Variants in NCOR2 observed in about 807,000 individuals in gnomAD.
NCOR2 encodes the protein CTG repeat protein 26.
A neutral mutation model predicts 262.9 loss-of-function variants in NCOR2; 81 were observed. That is an observed-to-expected ratio of 0.31 (90% CI 0.26 to 0.37). The LOEUF is 0.37. Ranked by LOEUF, NCOR2 falls within the 10% of genes least tolerant of loss-of-function variation. The pLI is 1.00. For missense variants in NCOR2, 3,385 were observed against 3,621.4 expected (o/e 0.93, Z 1.68); for synonymous variants, 1,659 against 1,559.3 (o/e 1.06, Z -1.51).
intron 27 of NCOR2, among the ~76,000 whole-genome samples, chr12:124,351,920 C>A (rs150771424): frequency 6.6e-6 from 1 of 152,230 alleles, no homozygotes; most frequent in African/African-American, 2.4e-5. Context: ...GAGTCTCTGG[C>A]TGGACTTGCT....
intron 4 of NCOR2, among the ~76,000 whole-genome samples, chr12:124,471,190 C>G (rs2046812739): frequency 6.6e-6 from 1 of 152,238 alleles, no homozygotes; most frequent in Non-Finnish European, 1.5e-5. Context: ...CACTTGAAAT[C>G]AATGCTCTCC....
exon 47 of NCOR2, chr12:124,325,376 C>CGGGGGGGGGGG: frequency 2.3e-6 from 1 of 426,506 alleles, no homozygotes; most frequent in Non-Finnish European, 3.4e-6. Context: ...GACCTGACAC[C>CGGGGGGGGGGG]GCCCCCCCCC....
intron 22 of NCOR2, 118 bp from the exon 25 acceptor site, chr12:124,356,900 C>A (rs952832725): frequency 7.8e-6 from 10 of 1,278,100 alleles, no homozygotes; most frequent in Non-Finnish European, 1.0e-5. Flanking sequence ...TGGCCTGTGA[C>A]GGCCTGGGCT....
chr12:124,382,380 C>T (rs956659255), intron 17 of NCOR2, among the ~76,000 whole-genome samples: 21 of 152,274 alleles, frequency 1.4e-4, no homozygotes, highest in African/African-American at 4.6e-4. Context: ...CCTTCAAGGT[C>T]GGCCAGGAGC....
intron 23 of NCOR2, 150 bp downstream of exon 25, chr12:124,356,492 C>T (rs2037965598): frequency 1.4e-6 from 1 of 691,618 alleles, no homozygotes. Flanking sequence ...AAAAGATCTC[C>T]CCCTTTCCCT....
At chr12:124,416,974 G>A (rs1027521502) in intron 13 of NCOR2, among the ~76,000 whole-genome samples, 2 of 152,234 alleles carry the variant, frequency 1.3e-5, no homozygotes, top group Non-Finnish European at 2.9e-5. Flanking sequence ...CACAATAAAT[G>A]CTCAATCAAT....
At chr12:124,490,634 C>CCA (rs71306301) in intron 1 of NCOR2, among the ~76,000 whole-genome samples, 2 of 152,196 alleles carry the variant, frequency 1.3e-5, no homozygotes, top group African/African-American at 2.4e-5. Flanking sequence ...AGACCCCCCC[C>CCA]AGGGCACTCA....
At chr12:124,485,369 A>ACAGAGG (rs901402068) in intron 2 of NCOR2, among the ~76,000 whole-genome samples, 6 of 152,348 alleles carry the variant, frequency 3.9e-5, no homozygotes, top group African/African-American at 9.6e-5. Context: ...GCCACGTGAG[A>ACAGAGG]CAGAGGCAGA....
chr12:124,486,525 G>T, exon 2 of NCOR2: 1 of 1,599,934 alleles, frequency 6.3e-7, no homozygotes, highest in Non-Finnish European at 8.5e-7. Flanking sequence ...CAGGTGGGAG[G>T]CATAGTCGCG....
At chr12:124,340,325 C>G (rs780246024) in exon 36 of NCOR2, 1 of 1,612,392 alleles carries the variant, frequency 6.2e-7, no homozygotes, top group Non-Finnish European at 8.5e-7. Context: ...GCTCCACCGT[C>G]GTGGTGGACG....
chr12:124,402,672 G>T (rs765761167), intron 13 of NCOR2, 111 bp from the exon 16 acceptor site: 19 of 1,518,494 alleles, frequency 1.3e-5, no homozygotes, highest in Non-Finnish European at 1.6e-5. Context: ...AGGAAAACCC[G>T]TGGAGTCCAC....
At chr12:124,336,965 G>A in exon 38 of NCOR2, 2 of 1,529,814 alleles carry the variant, frequency 1.3e-6, no homozygotes, top group Non-Finnish European at 1.8e-6. Context: ...GGAGGAGGCG[G>A]GCTCCAGCCC....
chr12:124,395,088 C>T (rs943624586), intron 16 of NCOR2, among the ~76,000 whole-genome samples: 9 of 152,290 alleles, frequency 5.9e-5, no homozygotes, highest in East Asian at 3.9e-4. Flanking sequence ...CCAGGCTCCC[C>T]GAGGGAGGGG....
intron 1 of NCOR2, among the ~76,000 whole-genome samples, chr12:124,516,202 C>G (rs970679704): frequency 6.6e-6 from 1 of 152,222 alleles, no homozygotes; most frequent in Non-Finnish European, 1.5e-5. Flanking sequence ...GGCCCTGAGC[C>G]AGTCACTGGC....
chr12:124,340,899 C>A, intron 34 of NCOR2, 148 bp from the exon 37 acceptor site: 1 of 745,852 alleles, frequency 1.3e-6, no homozygotes, highest in Non-Finnish European at 1.9e-6. Context: ...GCTCCCAGCA[C>A]CAGCCATGGA....
At chr12:124,509,245 G>T (rs868455396) in intron 1 of NCOR2, among the ~76,000 whole-genome samples, 2 of 144,566 alleles carry the variant, frequency 1.4e-5, no homozygotes, top group East Asian at 1.9e-4. Flanking sequence ...TGGGGGGGGG[G>T]GGGGCTTAAC....
chr12:124,490,125 T>G (rs1299338678), intron 1 of NCOR2, among the ~76,000 whole-genome samples: 1 of 152,080 alleles, frequency 6.6e-6, no homozygotes, highest in Non-Finnish European at 1.5e-5. Context: ...CACATACTGT[T>G]CCTGCTGCCT....
At chr12:124,431,227 T>C (rs1479661831) in intron 8 of NCOR2, among the ~76,000 whole-genome samples, 2 of 147,326 alleles carry the variant, frequency 1.4e-5, no homozygotes, top group African/African-American at 5.1e-5. Context: ...GTCAGACAGA[T>C]ATACACAGGC....
At chr12:124,429,384 C>A in intron 10 of NCOR2, 1 of 559,802 alleles carries the variant, frequency 1.8e-6, no homozygotes, top group East Asian at 3.0e-5. Context: ...GCCCTCCCTG[C>A]AGGGGGTCCT....
Sources: gnomAD v4.1 joint callset for allele counts (sites outside exome capture counted in the v4.1 genomes callset) on GRCh38, gnomAD v4.1.1 for gene constraint, MANE v1.5 for transcripts, NCBI Gene and HGNC (gene_info 2026-07-23, HGNC 2026-07-21) for gene names.